The following SLC39A11 variants were observed in gnomAD, a reference collection of about 807,000 sequenced individuals.
SLC39A11 encodes the protein solute carrier family 39 member 11.
Under a neutral mutation model 36.1 loss-of-function variants are expected in SLC39A11, and 33 were observed. That is an observed-to-expected ratio of 0.91 (90% confidence interval 0.69 to 1.22). SLC39A11 has a LOEUF of 1.22. SLC39A11 is among the 50% of genes most tolerant of loss of function. The pLI is 0.00. For synonymous variants in SLC39A11, 166 were observed against 170.3 expected (o/e 0.97, Z 0.20); for missense variants, 432 against 430.3 (o/e 1.00, Z -0.03).
At chr17:73,045,660 G>C (rs1046866629) in intron 3 of SLC39A11, among the ~76,000 whole-genome samples, 3 of 152,128 alleles carry the variant, frequency 2.0e-5, no homozygotes, top group African/African-American at 7.2e-5. Context: ...CTGAATAATA[G>C]AAATGGCAAG....
intron 5 of SLC39A11, among the ~76,000 whole-genome samples, chr17:72,910,372 C>T (rs186424484): frequency 2.0e-4 from 31 of 152,090 alleles, no homozygotes; most frequent in African/African-American, 7.2e-4. Context: ...GCCTGTAATC[C>T]CAGCACTTTG....
intron 7 of SLC39A11, chr17:72,712,719 A>G (rs968604099): frequency 2.0e-5 from 3 of 152,206 alleles, no homozygotes; most frequent in African/African-American, 7.2e-5. Context: ...CCTCACCCAC[A>G]AAGACCCTTA....
chr17:72,681,169 C>T lies in SLC39A11; in HGVS notation c.672-31901G>A, dbSNP rs193042714. 5.3e-3 allele frequency among the ~76,000 whole-genome samples: 804 copies of T among 152,222 alleles called. 11 individuals are homozygous for T. The highest frequency in any genetic ancestry group is 0.018 in the African/African-American group (765 of 41,558). On this transcript the variant is annotated intron_variant, in intron 7 of 9. Transcript: ENST00000255559. ...CTTGAACTCCCGACCTCAGGTGACC[C>T]GCCCACCTCGGCCTCCCAAAGTGCT...
intron 7 of SLC39A11, among the ~76,000 whole-genome samples, chr17:72,680,498 A>G (rs760422099): frequency 2.0e-5 from 3 of 152,162 alleles, no homozygotes; most frequent in Admixed American, 6.5e-5. Flanking sequence ...ATGGTTTTAT[A>G]AAGGGCAGTT....
chr17:72,938,858 AT>A (rs1388508153), intron 5 of SLC39A11, among the ~76,000 whole-genome samples: 1 of 152,206 alleles, frequency 6.6e-6, no homozygotes, highest in African/African-American at 2.4e-5. Context: ...CAAATGTTAA[AT>A]TTTGCATAAG....
chr17:72,655,035 C>T (rs899436594), intron 7 of SLC39A11, among the ~76,000 whole-genome samples: 4 of 152,240 alleles, frequency 2.6e-5, no homozygotes, highest in Admixed American at 2.6e-4. Context: ...GCTGCCAGCC[C>T]AAACAGCTGC....
intron 7 of SLC39A11, among the ~76,000 whole-genome samples, chr17:72,717,587 G>A (rs891685): frequency 0.013 from 2,044 of 152,266 alleles, 57 homozygotes; most frequent in African/African-American, 0.046. Flanking sequence ...TGTCCTCTCC[G>A]CATGTGTCAT....
At chr17:72,892,041 T>C (rs2081774182) in intron 5 of SLC39A11, among the ~76,000 whole-genome samples, 1 of 152,058 alleles carries the variant, frequency 6.6e-6, no homozygotes, top group Non-Finnish European at 1.5e-5. Flanking sequence ...GACTATTTTT[T>C]TTCCCCAAGG....
At chr17:72,762,749 C>T (rs954021819) in intron 6 of SLC39A11, among the ~76,000 whole-genome samples, 2 of 152,160 alleles carry the variant, frequency 1.3e-5, no homozygotes, top group African/African-American at 4.8e-5. Context: ...TGCGTACCTC[C>T]TTAACCTTGT....
chr17:72,739,221 G>C (rs1409910164), intron 6 of SLC39A11, among the ~76,000 whole-genome samples: 1 of 151,420 alleles, frequency 6.6e-6, no homozygotes, highest in Non-Finnish European at 1.5e-5. Flanking sequence ...CCCACCTCCT[G>C]GGTTCAAGTG....
intron 3 of SLC39A11, among the ~76,000 whole-genome samples, chr17:73,038,584 G>A (rs2059001745): frequency 1.3e-5 from 2 of 151,480 alleles, no homozygotes; most frequent in South Asian, 4.2e-4. Flanking sequence ...GTGGGTGCCT[G>A]TAATCCCAGC....
At chr17:72,714,485 G>A (rs1217756025) in intron 7 of SLC39A11, among the ~76,000 whole-genome samples, 1 of 152,174 alleles carries the variant, frequency 6.6e-6, no homozygotes, top group Admixed American at 6.5e-5. Context: ...AAGGAAGGAA[G>A]CAGGTAAGAA....
At chr17:72,978,971 A>C (rs968356609) in intron 4 of SLC39A11, among the ~76,000 whole-genome samples, 1 of 152,174 alleles carries the variant, frequency 6.6e-6, no homozygotes, top group Non-Finnish European at 1.5e-5. Context: ...ATAAAAAAGA[A>C]GGCCCTTGCT....
At chr17:72,677,929 AC>A (rs2071346122) in intron 7 of SLC39A11, among the ~76,000 whole-genome samples, 1 of 152,174 alleles carries the variant, frequency 6.6e-6, no homozygotes, top group African/African-American at 2.4e-5. Flanking sequence ...GTCACCACCT[AC>A]AAGCCCATCC....
intron 5 of SLC39A11, among the ~76,000 whole-genome samples, chr17:72,862,468 G>A (rs949256327): frequency 3.3e-5 from 5 of 152,218 alleles, no homozygotes; most frequent in African/African-American, 1.2e-4. Flanking sequence ...AATTAATGGA[G>A]CAGAGCAGAA....
At chr17:72,958,189 A>G (rs913774882) in intron 4 of SLC39A11, among the ~76,000 whole-genome samples, 5 of 152,244 alleles carry the variant, frequency 3.3e-5, no homozygotes, top group African/African-American at 1.2e-4. Context: ...CTGGATCCTC[A>G]TCTCTCACCT....
chr17:72,843,935 C>A (rs2078935973), intron 6 of SLC39A11, among the ~76,000 whole-genome samples: 1 of 152,196 alleles, frequency 6.6e-6, no homozygotes, highest in South Asian at 2.1e-4. Flanking sequence ...TATTAACAAG[C>A]CTTCCATTTT....
chr17:72,849,717 C>A lies in SLC39A11; in HGVS notation c.518G>T (p.Arg173Leu), dbSNP rs540411380. 1.9e-6 allele frequency: 3 copies of A among 1,611,898 alleles called. No individual in the cohort carries two copies. Among genetic ancestry groups the A allele is most frequent in the Non-Finnish European group, 2.5e-6 (3 of 1,179,296 alleles). ...PEGPAVPVPS[R>L]GNLAQPGGSS... ...GCCGCCGGGCTGTGCCAGATTCCCT[C>A]GAGAAGGCACAGGGACAGCAGGACC... Residue 173 changes from arginine to leucine, a missense_variant, in exon 6 of 10, where the codon CGA (arginine) becomes CTA (leucine). Physicochemically the swap from Arg to Leu is moderately radical, Grantham distance 102. Transcript: ENST00000255559.
chr17:72,900,992 AC>A (rs200586291), intron 5 of SLC39A11, among the ~76,000 whole-genome samples: 3 of 70,110 alleles, frequency 4.3e-5, no homozygotes, highest in East Asian at 8.5e-4. Flanking sequence ...AAAAAAAAAC[AC>A]GAAAAAAAAA....
Sources: gnomAD v4.1 joint callset for allele counts (sites outside exome capture counted in the v4.1 genomes callset) on GRCh38, gnomAD v4.1.1 for gene constraint, MANE v1.5 for transcripts, NCBI Gene and HGNC (gene_info 2026-07-23, HGNC 2026-07-21) for gene names.